Variants in CNTNAP5 observed in about 807,000 individuals in gnomAD.
The protein encoded by CNTNAP5 is contactin-associated protein-like 5.
Under a neutral mutation model 150.2 loss-of-function variants are expected in CNTNAP5, and 72 were observed. That is an observed-to-expected ratio of 0.48 (90% CI 0.40 to 0.58). The LOEUF is 0.58. Among genes scored for constraint, CNTNAP5 ranks in the 20% least tolerant of loss-of-function variants. The pLI is 0.00. For synonymous variants in CNTNAP5, 672 were observed against 619.8 expected (o/e 1.08, Z -1.25); for missense variants, 1,636 against 1,626.2 (o/e 1.01, Z -0.10).
rs529082914 is a variant in CNTNAP5 at position 124,137,269 on chromosome 2, T to G, written c.83-84436T>G. On this transcript the variant is annotated intron_variant, in intron 1 of 23. Coordinates refer to ENST00000682447, the MANE Select transcript of CNTNAP5 (RefSeq NM_001367498.1). ...ATATGAAAAAAAAATAAAGCTGCCT[T>G]TGACACTTTTATAATGTCTCTTTTC... Among the ~76,000 whole-genome samples, 6 of 151,488 alleles carry G rather than the reference T, an allele frequency of 4.0e-5. No homozygotes were observed. The South Asian group carries it at 1.0e-3, about 26-fold the overall frequency.
chr2:124,287,510 G>C (rs1038707039), intron 3 of CNTNAP5, among the ~76,000 whole-genome samples: 3 of 152,138 alleles, frequency 2.0e-5, no homozygotes, highest in Non-Finnish European at 4.4e-5. Flanking sequence ...TTTTAGAGAA[G>C]CTCAAATTAG....
At position 124,132,463 on chromosome 2, in the gene CNTNAP5, T is replaced by C. The variant is rs188307048; in HGVS notation, c.83-89242T>C. On this transcript the variant is annotated intron_variant, in intron 1 of 23. Transcript: ENST00000682447. ...GGTGGTTTCCATTAATCTGGTTGTATTATGCTTCCAAATGAGCTATCTGAT... is the reference window on the plus strand; with the variant it reads ...GGTGGTTTCCATTAATCTGGTTGTACTATGCTTCCAAATGAGCTATCTGAT... Among the ~76,000 whole-genome samples, 159 of 152,314 alleles carry C rather than the reference T, an allele frequency of 1.0e-3. 1 individual carries two copies. The highest frequency in any genetic ancestry group is 3.5e-3 in the African/African-American group (146 of 41,562).
chr2:124,625,760 A>T (rs552543006), intron 12 of CNTNAP5, among the ~76,000 whole-genome samples: 38 of 152,308 alleles, frequency 2.5e-4, no homozygotes, highest in Admixed American at 2.3e-3. Context: ...CAGTCAACAA[A>T]GATTTATTGA....
At chr2:124,248,236 C>T (rs1430492984) in intron 3 of CNTNAP5, among the ~76,000 whole-genome samples, 1 of 152,144 alleles carries the variant, frequency 6.6e-6, no homozygotes, top group Non-Finnish European at 1.5e-5. Flanking sequence ...CTACCCAGGG[C>T]AGGGATATAT....
At chr2:124,652,172 A>C (rs1435822598) in intron 13 of CNTNAP5, among the ~76,000 whole-genome samples, 1 of 152,210 alleles carries the variant, frequency 6.6e-6, no homozygotes, top group African/African-American at 2.4e-5. Flanking sequence ...TTTATACTAG[A>C]AACTCTCCAA....
rs182579503 is a variant in CNTNAP5 at position 124,437,999 on chromosome 2, G to C, written c.733+3312G>C. 5.9e-5 allele frequency among the ~76,000 whole-genome samples: 9 copies of C among 152,254 alleles called. No individual in the cohort carries two copies. In the East Asian group the frequency reaches 1.5e-3, roughly 26 times the overall value. ...TTCAGGCTAAGAGTGAAGAAGTTCA[G>C]CACCACGGTCAGCTGCTCAGGATGG... On this transcript the variant is annotated intron_variant, in intron 5 of 23. Transcript: ENST00000682447.
rs183127066 is a variant in CNTNAP5, at chr2:124,887,347, G to A, written c.3437-15535G>A. ...TTCTGATTAGTAATGCATCACAGGTGGTAGACATGTTTTCAATTCAAGGGG... is the reference window on the plus strand; with the variant it reads ...TTCTGATTAGTAATGCATCACAGGTAGTAGACATGTTTTCAATTCAAGGGG... On this transcript the variant is annotated intron_variant, in intron 21 of 23. Coordinates refer to ENST00000682447, the MANE Select transcript of CNTNAP5 (RefSeq NM_001367498.1). Among the ~76,000 whole-genome samples the A allele has an allele frequency of 3.1e-3, 464 of 152,076 alleles. 1 individual carries two copies. The Middle Eastern group carries it at 0.044, about 14-fold the overall frequency.
intron 3 of CNTNAP5, among the ~76,000 whole-genome samples, chr2:124,306,719 CTTTTTTTTTTTT>C (rs762901729): frequency 3.1e-5 from 2 of 64,336 alleles, no homozygotes; most frequent in Admixed American, 4.3e-4. Context: ...CTCTCTCTTT[CTTTTTTTTTTTT>C]TTTTTTTTTT....
intron 2 of CNTNAP5, among the ~76,000 whole-genome samples, chr2:124,227,201 T>C (rs567730327): frequency 6.6e-6 from 1 of 152,170 alleles, no homozygotes; most frequent in African/African-American, 2.4e-5. Flanking sequence ...CACTGAGCCA[T>C]ATTTTATAAT....
intron 12 of CNTNAP5, among the ~76,000 whole-genome samples, chr2:124,618,112 C>T (rs1677528754): frequency 6.6e-6 from 1 of 152,140 alleles, no homozygotes; most frequent in Admixed American, 6.5e-5. Context: ...TGAGCAGCAG[C>T]AAGCAAAGGC....
chr2:124,119,639 G>A (rs1420969238), intron 1 of CNTNAP5, among the ~76,000 whole-genome samples: 1 of 152,118 alleles, frequency 6.6e-6, no homozygotes, highest in African/African-American at 2.4e-5. Flanking sequence ...CGGGCATAGT[G>A]GCTCATGCCT....
chr2:124,408,217 T>G (rs1691635800), intron 3 of CNTNAP5, among the ~76,000 whole-genome samples: 1 of 152,158 alleles, frequency 6.6e-6, no homozygotes, highest in African/African-American at 2.4e-5. Context: ...ATCTCGCACC[T>G]GGCTCGGAGG....
intron 11 of CNTNAP5, among the ~76,000 whole-genome samples, chr2:124,594,392 G>T (rs1396615380): frequency 6.6e-6 from 1 of 152,000 alleles, no homozygotes; most frequent in Admixed American, 6.6e-5. Context: ...ATTAAATAGG[G>T]AATCCTTTCC....
At chr2:124,273,749 T>G (rs1687816204) in intron 3 of CNTNAP5, among the ~76,000 whole-genome samples, 1 of 152,202 alleles carries the variant, frequency 6.6e-6, no homozygotes, top group African/African-American at 2.4e-5. Context: ...GCACAACTTG[T>G]AAAATTTCCT....
At chr2:124,459,196 G>A (rs1352653687) in intron 6 of CNTNAP5, among the ~76,000 whole-genome samples, 1 of 152,202 alleles carries the variant, frequency 6.6e-6, no homozygotes, top group Non-Finnish European at 1.5e-5. Flanking sequence ...TGCTCACGGT[G>A]CTCCTTGCAG....
intron 21 of CNTNAP5, among the ~76,000 whole-genome samples, chr2:124,885,500 C>G (rs1678060265): frequency 6.6e-6 from 1 of 150,526 alleles, no homozygotes; most frequent in Admixed American, 6.7e-5. Context: ...TTTAGTATAT[C>G]CACAATATTT....
intron 5 of CNTNAP5, among the ~76,000 whole-genome samples, chr2:124,445,788 T>C (rs1433233494): frequency 6.6e-6 from 1 of 152,224 alleles, no homozygotes; most frequent in East Asian, 1.9e-4. Context: ...AGGAACCTAA[T>C]ATATAAAATG....
chr2:124,125,837 C>A (rs1385389040), intron 1 of CNTNAP5, among the ~76,000 whole-genome samples: 1 of 152,162 alleles, frequency 6.6e-6, no homozygotes. Flanking sequence ...AAAATGAAGG[C>A]AGAAACAAAG....
rs77593267 is a variant in CNTNAP5, at chr2:124,618,868, T to A, written c.1876+8948T>A. On this transcript the variant is annotated intron_variant, in intron 12 of 23. Coordinates refer to ENST00000682447, the MANE Select transcript of CNTNAP5 (RefSeq NM_001367498.1). ...CATCCAAATAAATGAAGCGTAGACT[T>A]GTTAAATCAATTTTAACCTGAACAA... 6.2e-3 allele frequency among the ~76,000 whole-genome samples: 945 copies of A among 152,302 alleles called. 4 individuals are homozygous for A. Among genetic ancestry groups the A allele is most frequent in the Non-Finnish European group, 0.01 (696 of 68,034 alleles).
Sources: allele counts gnomAD v4.1 joint callset (sites outside exome capture counted in the v4.1 genomes callset), GRCh38; gene constraint gnomAD v4.1.1; transcripts MANE v1.5; gene names NCBI Gene and HGNC (gene_info 2026-07-23, HGNC 2026-07-21).